The following SGK3 variants were observed in gnomAD, a reference collection of about 807,000 sequenced individuals.
SGK3 encodes serum/glucocorticoid regulated kinase family member 3, also known as serine/threonine-protein kinase Sgk3.
Under a neutral mutation model 68.5 loss-of-function variants are expected in SGK3, and 47 were observed. The ratio of observed to expected loss-of-function variants is 0.69; its 90% CI spans 0.54 to 0.87. SGK3 has a LOEUF of 0.87. Ranked by LOEUF, SGK3 falls within the 40% of genes least tolerant of loss-of-function variation. The pLI, the probability that SGK3 is intolerant of heterozygous loss-of-function variation, is 0.00. For missense variants in SGK3, 479 were observed against 575.5 expected (o/e 0.83, Z 1.72); for synonymous variants, 181 against 189.1 (o/e 0.96, Z 0.35).
rs540946845 is a variant in SGK3, at chr8:66,768,419, CT to C, written c.-121-25185del. Among the ~76,000 whole-genome samples, 1,117 of 137,192 alleles carry C rather than the reference CT, an allele frequency of 8.1e-3. 5 individuals carry two copies. Among genetic ancestry groups the C allele is most frequent in the South Asian group, 0.014 (59 of 4,322 alleles). The allele number at this position is 137,192 out of a possible 152,430, so 90.0% of individuals were successfully genotyped here. ...AGTCTACTGGTTATGAATTTTTCAG[CT>C]TTTTTTTTTTTCAGTCTGAAAAAAT... On this transcript the variant is annotated intron_variant, in intron 1 of 16. Coordinates refer to ENST00000521198, the MANE Select transcript of SGK3 (RefSeq NM_001033578.3).
intron 1 of SGK3, among the ~76,000 whole-genome samples, chr8:66,757,607 A>C (rs115040048): frequency 7.5e-6 from 1 of 133,892 alleles, no homozygotes; most frequent in Non-Finnish European, 1.5e-5. Context: ...GATAAATTTT[A>C]AAAAAAAAAT....
At chr8:66,840,459 G>C (rs78467430) in intron 12 of SGK3, among the ~76,000 whole-genome samples, 1,752 of 152,254 alleles carry the variant, frequency 0.012, 20 homozygotes, top group Admixed American at 0.018. Flanking sequence ...CATTAGGGAA[G>C]TTCCTTTGGT....
rs941156364 is a variant in SGK3, at chr8:66,843,344, G to A, written c.979-108G>A. The A allele has an allele frequency of 3.8e-6, 4 of 1,041,940 alleles. No individual in the cohort carries two copies. The African/African-American group carries it at 6.5e-5, about 17-fold the overall frequency. The allele number at this position is 1,041,940 out of a possible 1,614,324, so 64.5% of individuals were successfully genotyped here. A position where few individuals can be genotyped will look rare whatever the true frequency, so the allele number is the denominator to read the frequency against. ...ACCCACTGGAAATCTAGATAATTTG[G>A]TTTCAGTATGATAGCAACAACTAAA... is the stretch of plus-strand genomic sequence containing the variant. On this transcript the variant is annotated intron_variant, in intron 13 of 16. Transcript: ENST00000521198.
intron 1 of SGK3, among the ~76,000 whole-genome samples, chr8:66,789,806 G>A (rs1807361999): frequency 6.6e-6 from 1 of 152,160 alleles, no homozygotes; most frequent in Admixed American, 6.5e-5. Context: ...TGCTGGGTGT[G>A]GTGGCTTATG....
intron 1 of SGK3, among the ~76,000 whole-genome samples, chr8:66,792,721 A>T (rs1563630029): frequency 6.6e-6 from 1 of 152,162 alleles, no homozygotes; most frequent in South Asian, 2.1e-4. Context: ...TCTTAAGAAA[A>T]AAACAAAAAA....
chr8:66,770,669 C>G (rs1255035796), intron 1 of SGK3, among the ~76,000 whole-genome samples: 1 of 152,198 alleles, frequency 6.6e-6, no homozygotes, highest in Non-Finnish European at 1.5e-5. Flanking sequence ...CAGTGCTATT[C>G]TGTCTAATGC....
intron 1 of SGK3, among the ~76,000 whole-genome samples, chr8:66,758,599 CAG>C (rs755067222): frequency 6.6e-6 from 1 of 151,950 alleles, no homozygotes; most frequent in Non-Finnish European, 1.5e-5. Context: ...TGGAAAAAAA[CAG>C]GGTATTTTTA....
intron 10 of SGK3, 34 bp from the exon 11 acceptor site, chr8:66,839,969 C>A: frequency 6.4e-7 from 1 of 1,570,598 alleles, no homozygotes; most frequent in Admixed American, 1.7e-5. Flanking sequence ...TCCTAACATT[C>A]TCTCTCCCCC....
intron 1 of SGK3, among the ~76,000 whole-genome samples, chr8:66,718,199 A>G (rs1414342261): frequency 6.7e-6 from 1 of 149,176 alleles, no homozygotes; most frequent in African/African-American, 2.5e-5. Context: ...CTAATTTTGT[A>G]TTTTTAGTAG....
At chr8:66,805,012 A>G (rs1039920505) in intron 4 of SGK3, among the ~76,000 whole-genome samples, 3 of 151,798 alleles carry the variant, frequency 2.0e-5, no homozygotes, top group Non-Finnish European at 2.9e-5. Flanking sequence ...TCAGTAGTTC[A>G]AGGCTGCAGT....
At chr8:66,808,699 A>T (rs1156635060) in intron 4 of SGK3, among the ~76,000 whole-genome samples, 2 of 151,598 alleles carry the variant, frequency 1.3e-5, no homozygotes, top group East Asian at 1.9e-4. Context: ...TTTAGTAGAG[A>T]TGAGGTTTCT....
intron 1 of SGK3, among the ~76,000 whole-genome samples, chr8:66,751,006 CA>C (rs1247209602): frequency 5.9e-4 from 78 of 131,884 alleles, no homozygotes; most frequent in Non-Finnish European, 4.7e-4. Context: ...GATCCTGTCT[CA>C]AAAAAAAAAA....
In SGK3 at chr8:66,804,811, GGGC is replaced by G. The variant is rs1271319743; in HGVS notation, c.253+365_253+367del. Reference sequence around the variant, plus strand: ...ATATAAATTTATCTGTCAATGGGCTGGGCACAGTGGCTCACACCTGTAATCGAA... The same window carrying G: ...ATATAAATTTATCTGTCAATGGGCTGACAGTGGCTCACACCTGTAATCGAA... On this transcript the variant is annotated intron_variant, in intron 4 of 16. Coordinates refer to ENST00000521198, the MANE Select transcript of SGK3 (RefSeq NM_001033578.3). 3.3e-5 allele frequency among the ~76,000 whole-genome samples: 5 copies of G among 152,184 alleles called. No homozygotes were observed. In the East Asian group the frequency reaches 9.6e-4, roughly 29 times the overall value.
chr8:66,839,187 A>T (rs1809665453), intron 10 of SGK3, among the ~76,000 whole-genome samples: 1 of 151,980 alleles, frequency 6.6e-6, no homozygotes, highest in Admixed American at 6.6e-5. Flanking sequence ...TCAAGGAGAG[A>T]TTTTTGTCTT....
At chr8:66,759,171 C>T (rs376566981) in intron 1 of SGK3, among the ~76,000 whole-genome samples, 7 of 149,244 alleles carry the variant, frequency 4.7e-5, no homozygotes, top group Non-Finnish European at 6.0e-5. Flanking sequence ...CTGCAACCTC[C>T]GCCTCCTGGG....
chr8:66,797,607 T>C (rs1160444446), intron 2 of SGK3, among the ~76,000 whole-genome samples: 1 of 152,194 alleles, frequency 6.6e-6, no homozygotes, highest in Non-Finnish European at 1.5e-5. Context: ...TTTGAAAATA[T>C]TGAACATGGA....
At chr8:66,738,777 GCCA>G (rs570702689) in intron 1 of SGK3, among the ~76,000 whole-genome samples, 29 of 152,082 alleles carry the variant, frequency 1.9e-4, no homozygotes, top group Admixed American at 1.4e-3. Context: ...ACAGGCACCT[GCCA>G]CCACACCTGG....
At chr8:66,858,465 CAAA>C (rs757431787) in intron 16 of SGK3, among the ~76,000 whole-genome samples, 3 of 86,256 alleles carry the variant, frequency 3.5e-5, no homozygotes, top group Non-Finnish European at 4.9e-5. Flanking sequence ...GACTCTGTCT[CAAA>C]AAAAAAAAAA....
chr8:66,841,673 T>C (rs1000923536), intron 13 of SGK3, among the ~76,000 whole-genome samples: 1 of 152,244 alleles, frequency 6.6e-6, no homozygotes, highest in Non-Finnish European at 1.5e-5. Context: ...TTTATATGCT[T>C]GAAATATTTT....
Sources: allele counts gnomAD v4.1 joint callset (sites outside exome capture counted in the v4.1 genomes callset), GRCh38; gene constraint gnomAD v4.1.1; transcripts MANE v1.5; gene names NCBI Gene and HGNC (gene_info 2026-07-23, HGNC 2026-07-21).